Variants in RANBP17 observed in about 807,000 individuals in gnomAD.
RANBP17 encodes RAN binding protein 17.
A neutral mutation model predicts 141.2 loss-of-function variants in RANBP17; 158 were observed. That is an observed-to-expected ratio of 1.12 (90% CI 0.98 to 1.28). The LOEUF (loss-of-function observed/expected upper bound fraction) is 1.28, where lower values mean the gene tolerates loss of function less well. Among genes scored for constraint, RANBP17 ranks in the 50% most tolerant of loss-of-function variants. The pLI, the probability that RANBP17 is intolerant of heterozygous loss-of-function variation, is 0.00. For synonymous variants in RANBP17, 430 were observed against 450.0 expected (o/e 0.96, Z 0.56); for missense variants, 1,438 against 1,290.7 (o/e 1.11, Z -1.75).
chr5:171,286,844 A>T lies in RANBP17; in HGVS notation c.2944-7039A>T, dbSNP rs192012942. On this transcript the variant is annotated intron_variant, in intron 25 of 27. Transcript: ENST00000523189. Reference sequence around the variant, plus strand: ...GATTTTGCCTAATCCTGGGTCTCCAACCAGGGCATGGGGCTTAGGTGAAAT... The same window carrying T: ...GATTTTGCCTAATCCTGGGTCTCCATCCAGGGCATGGGGCTTAGGTGAAAT... Among the ~76,000 whole-genome samples the T allele has an allele frequency of 1.5e-3, 228 of 152,326 alleles. 1 individual carries two copies. The highest frequency in any genetic ancestry group is 5.4e-3 in the African/African-American group (224 of 41,570).
intron 13 of RANBP17, among the ~76,000 whole-genome samples, chr5:170,962,211 A>G (rs1176287243): frequency 6.6e-6 from 1 of 152,238 alleles, no homozygotes; most frequent in Non-Finnish European, 1.5e-5. Flanking sequence ...GATTTCATAC[A>G]CTTGCAGCTG....
At chr5:171,012,053 AT>A (rs1267055747) in intron 14 of RANBP17, among the ~76,000 whole-genome samples, 46 of 133,566 alleles carry the variant, frequency 3.4e-4, no homozygotes, top group Middle Eastern at 3.8e-3. Context: ...AACAAATTAT[AT>A]TATTTGTTTA....
chr5:171,080,392 G>A (rs1190982991), intron 14 of RANBP17, among the ~76,000 whole-genome samples: 1 of 152,126 alleles, frequency 6.6e-6, no homozygotes, highest in East Asian at 1.9e-4. Flanking sequence ...CAGCTACAGT[G>A]CACCTATATT....
At chr5:171,175,815 T>A (rs996449894) in intron 16 of RANBP17, among the ~76,000 whole-genome samples, 4 of 151,764 alleles carry the variant, frequency 2.6e-5, no homozygotes, top group African/African-American at 4.8e-5. Context: ...TTTTTTTTTT[T>A]ACCTTATGGA....
In RANBP17 at chr5:170,924,518, C is replaced by G. The variant is rs2088528006; in HGVS notation, c.1436C>G (p.Ser479Cys). ...TACCAAAAACTTCTGCATCCATATT[C>G]TGGTGTAACTGTGGACATCACCATT... Reference protein sequence around the residue: ...QNYQKLLHPYSGVTVDITIQE... With the variant: ...QNYQKLLHPYCGVTVDITIQE... Residue 479 changes from serine (S) to cysteine (C), a missense_variant, in exon 12 of 28, where the codon TCT becomes TGT. Coordinates refer to ENST00000523189, the MANE Select transcript of RANBP17 (RefSeq NM_022897.5). 1 of 1,607,780 alleles carries G rather than the reference C, an allele frequency of 6.2e-7. No homozygotes were observed. Among genetic ancestry groups the G allele is most frequent in the Non-Finnish European group, 8.5e-7 (1 of 1,175,310 alleles).
intron 12 of RANBP17, among the ~76,000 whole-genome samples, chr5:170,930,873 A>G (rs751664495): frequency 1.8e-4 from 27 of 152,184 alleles, no homozygotes; most frequent in Non-Finnish European, 3.7e-4. Context: ...ATAAACATAC[A>G]TGTGCATGTG....
intron 14 of RANBP17, among the ~76,000 whole-genome samples, chr5:171,083,202 T>C (rs1440100568): frequency 6.6e-6 from 1 of 152,184 alleles, no homozygotes; most frequent in Non-Finnish European, 1.5e-5. Context: ...ATTCATATGT[T>C]GAAATCTAAT....
chr5:171,050,366 C>G (rs988383718), intron 14 of RANBP17, among the ~76,000 whole-genome samples: 1 of 152,150 alleles, frequency 6.6e-6, no homozygotes, highest in African/African-American at 2.4e-5. Flanking sequence ...TTATTCTTCA[C>G]TCTTTGTATA....
At chr5:170,878,377 C>G in intron 2 of RANBP17, 134 bp downstream of exon 2, 5 of 712,762 alleles carry the variant, frequency 7.0e-6, no homozygotes, top group Non-Finnish European at 1.0e-5. Flanking sequence ...ACTATAGTTT[C>G]ACTGTCAAAG....
At chr5:170,979,189 G>A (rs1777596438) in intron 14 of RANBP17, among the ~76,000 whole-genome samples, 1 of 152,156 alleles carries the variant, frequency 6.6e-6, no homozygotes, top group Non-Finnish European at 1.5e-5. Flanking sequence ...GTTATCTCTG[G>A]TTGAGAAGAG....
chr5:171,174,632 A>G (rs1393967353), intron 16 of RANBP17, among the ~76,000 whole-genome samples: 1 of 152,084 alleles, frequency 6.6e-6, no homozygotes, highest in East Asian at 1.9e-4. Flanking sequence ...TCAAATTTGT[A>G]GCAGTTAACA....
intron 22 of RANBP17, among the ~76,000 whole-genome samples, chr5:171,230,759 T>TA (rs1344875814): frequency 6.6e-6 from 1 of 151,978 alleles, no homozygotes; most frequent in Admixed American, 6.6e-5. Context: ...AAGACTCTGT[T>TA]AAAAAATATA....
chr5:171,250,549 C>A (rs1010469516), intron 24 of RANBP17, among the ~76,000 whole-genome samples: 2 of 151,824 alleles, frequency 1.3e-5, no homozygotes, highest in Middle Eastern at 3.2e-3. Flanking sequence ...AATGGCTGAA[C>A]TGATTTAAAA....
At chr5:170,904,922 G>A (rs1770956182) in intron 5 of RANBP17, among the ~76,000 whole-genome samples, 1 of 152,070 alleles carries the variant, frequency 6.6e-6, no homozygotes, top group Admixed American at 6.6e-5. Flanking sequence ...TCAGGGATAG[G>A]TTTTATTCCA....
chr5:170,895,455 A>G (rs1037858525), intron 4 of RANBP17, among the ~76,000 whole-genome samples: 11 of 152,164 alleles, frequency 7.2e-5, no homozygotes, highest in Admixed American at 6.6e-5. Context: ...AAAACATTAT[A>G]TAGATAGTCA....
At chr5:171,233,118 G>T (rs1764307926) in intron 22 of RANBP17, among the ~76,000 whole-genome samples, 1 of 152,244 alleles carries the variant, frequency 6.6e-6, no homozygotes, top group East Asian at 1.9e-4. Context: ...ATGCAGGATT[G>T]CTTGAGCCCA....
At chr5:171,278,966 C>A (rs1209669925) in intron 25 of RANBP17, among the ~76,000 whole-genome samples, 2 of 152,180 alleles carry the variant, frequency 1.3e-5, no homozygotes, top group African/African-American at 4.8e-5. Context: ...GGGAAAATAT[C>A]CCTGCTATTT....
chr5:171,163,160 C>A (rs1179009862), intron 14 of RANBP17, among the ~76,000 whole-genome samples: 1 of 152,150 alleles, frequency 6.6e-6, no homozygotes, highest in Non-Finnish European at 1.5e-5. Flanking sequence ...AAATCAAATT[C>A]TGGCAAAAGA....
chr5:170,897,498 C>G (rs1283369360), intron 5 of RANBP17, among the ~76,000 whole-genome samples: 1 of 151,992 alleles, frequency 6.6e-6, no homozygotes, highest in East Asian at 1.9e-4. Flanking sequence ...TGGTGGTTTG[C>G]TGCACCCATC....
Sources: allele counts gnomAD v4.1 joint callset (sites outside exome capture counted in the v4.1 genomes callset), GRCh38; gene constraint gnomAD v4.1.1; transcripts MANE v1.5; gene names NCBI Gene and HGNC (gene_info 2026-07-23, HGNC 2026-07-21).